The following CFAP46 variants were observed in gnomAD, a reference collection of about 807,000 sequenced individuals.
The protein encoded by CFAP46 is cilia and flagella associated protein 46.
CFAP46 carries 245 observed loss-of-function variants against 325.7 expected under a neutral mutation model. The observed-to-expected ratio is 0.75, with a 90% CI of 0.68 to 0.84. The LOEUF is 0.84. Ranked by LOEUF, CFAP46 falls within the 40% of genes least tolerant of loss-of-function variation. The pLI is 0.00. For missense variants in CFAP46, 3,346 were observed against 3,543.0 expected (o/e 0.94, Z 1.41); for synonymous variants, 1,523 against 1,495.9 (o/e 1.02, Z -0.42).
intron 20 of CFAP46, 139 bp from the exon 21 acceptor site, chr10:132,909,383 G>A (rs1849506968): frequency 9.2e-6 from 6 of 651,232 alleles, no homozygotes; most frequent in Non-Finnish European, 1.4e-5. Flanking sequence ...ACCTTAGGCT[G>A]TTTTTGTAAC....
At chr10:132,936,763 G>A (rs1194255268) in intron 7 of CFAP46, among the ~76,000 whole-genome samples, 198 bp downstream of exon 7, 1 of 152,076 alleles carries the variant, frequency 6.6e-6, no homozygotes, top group Non-Finnish European at 1.5e-5. Flanking sequence ...TGGGAGGGAG[G>A]CAGGGCCAGG....
intron 50 of CFAP46, among the ~76,000 whole-genome samples, chr10:132,824,476 G>GC (rs1564768000): frequency 1.6e-5 from 2 of 122,112 alleles, no homozygotes; most frequent in African/African-American, 3.2e-5. Context: ...TGTGCTGTGT[G>GC]TGCTGTGTGC....
intron 8 of CFAP46, among the ~76,000 whole-genome samples, chr10:132,934,352 C>G (rs2135712928): frequency 1.3e-5 from 2 of 149,836 alleles, no homozygotes; most frequent in South Asian, 4.3e-4. Flanking sequence ...AGGATACCAG[C>G]CCAGGACTTA....
At chr10:132,879,058 T>C (rs1848999468) in intron 29 of CFAP46, among the ~76,000 whole-genome samples, 1 of 152,122 alleles carries the variant, frequency 6.6e-6, no homozygotes, top group Non-Finnish European at 1.5e-5. Context: ...GCTGCCTTGG[T>C]GTGGCGAGCC....
intron 27 of CFAP46, among the ~76,000 whole-genome samples, chr10:132,882,531 G>A (rs913559946): frequency 4.6e-5 from 7 of 151,908 alleles, no homozygotes; most frequent in South Asian, 2.1e-4. Context: ...AAAAGCAAGC[G>A]TTTGGTTTTG....
chr10:132,831,077 G>C (rs1848139158), intron 50 of CFAP46, among the ~76,000 whole-genome samples: 1 of 152,084 alleles, frequency 6.6e-6, no homozygotes, highest in African/African-American at 2.4e-5. Context: ...CCAAGTGTCT[G>C]GGTTTTTCCA....
Position 132,838,736 on chromosome 10 carries a change from G to C in CFAP46, c.6439-1822C>G, listed in dbSNP as rs1275022314. The stretch of plus-strand genomic sequence containing the variant: ...CCCCAGCGAAGGATTTCTACCGGGC[G>C]CAGAGTCAGGTGCAGACTTGCTGTG... On this transcript the variant is annotated intron_variant, in intron 44 of 57. Coordinates refer to ENST00000368586, the MANE Select transcript of CFAP46 (RefSeq NM_001200049.3). Among the ~76,000 whole-genome samples the C allele has an allele frequency of 2.0e-5, 3 of 152,388 alleles. No individual in the cohort carries two copies. In the South Asian group the frequency reaches 6.2e-4, roughly 32 times the overall value.
At chr10:132,867,179 C>T (rs1848826603) in intron 34 of CFAP46, among the ~76,000 whole-genome samples, 196 bp downstream of exon 34, 1 of 148,742 alleles carries the variant, frequency 6.7e-6, no homozygotes, top group Admixed American at 6.7e-5. Context: ...CACACTGACA[C>T]ACACACAGGC....
intron 45 of CFAP46, 124 bp downstream of exon 45, chr10:132,836,693 G>GT (rs1848254337): frequency 1.2e-6 from 1 of 817,004 alleles, no homozygotes. Context: ...CTGTCCGGGC[G>GT]TTTCCCGAGT....
rs184587003 is a variant in CFAP46, at chr10:132,918,409, C to T, written c.1970G>A (p.Gly657Glu). The change falls in exon 16 of 58, where the codon GGG becomes GAG. Residue 657 changes from glycine to glutamate, a missense_variant. Gly to Glu is a moderately conservative substitution (Grantham distance 98). Transcript: ENST00000368586. ...PDLLRKFAEVGFIHAEATVHL... is the reference protein window; with the variant it reads ...PDLLRKFAEVEFIHAEATVHL... ...ATGACGCACCTCAGCATGGATGAAC[C>T]CCACCTCCGCGAACTTCCGCAGCAG... is the stretch of plus-strand genomic sequence containing the variant. 2 of 1,548,864 alleles carry T rather than the reference C, an allele frequency of 1.3e-6. No homozygotes were observed. Among genetic ancestry groups the T allele is most frequent in the Admixed American group, 3.9e-5 (2 of 50,900 alleles).
At chr10:132,882,599 G>T (rs73393245) in intron 27 of CFAP46, among the ~76,000 whole-genome samples, 1 of 151,898 alleles carries the variant, frequency 6.6e-6, no homozygotes, top group Admixed American at 6.6e-5. Flanking sequence ...CAGGTCTAGC[G>T]GGTGGGGGGT....
rs776822673 is a variant in CFAP46 at position 132,919,324 on chromosome 10, G to A, written c.1849C>T (p.Leu617=). Residue 617 remains leucine, a synonymous_variant, in exon 15 of 58, where the codon CTG becomes TTG. Coordinates refer to ENST00000368586, the MANE Select transcript of CFAP46 (RefSeq NM_001200049.3). The surrounding 1 kb of genome is among the most constrained non-coding windows in gnomAD (Gnocchi z 9.7). ...GAGGGCGGGTACGAACCTCGCCGCA[G>A]CCTCAACTTCTTCACCTTGACGTTG... ...YDNVKVKKLR[L]RRGKKKRGRD... The A allele has an allele frequency of 1.3e-6, 2 of 1,549,890 alleles. No individual in the cohort carries two copies. Among genetic ancestry groups the A allele is most frequent in the Admixed American group, 2.0e-5 (1 of 50,980 alleles).
At chr10:132,921,750 G>A (rs1266688958) in intron 13 of CFAP46, among the ~76,000 whole-genome samples, 1 of 152,180 alleles carries the variant, frequency 6.6e-6, no homozygotes, top group Admixed American at 6.5e-5. Context: ...AGGATGCGGG[G>A]AGGAGATGGC....
chr10:132,927,093 G>A (rs1303886763), intron 9 of CFAP46, among the ~76,000 whole-genome samples: 2 of 152,226 alleles, frequency 1.3e-5, no homozygotes, highest in African/African-American at 4.8e-5. Flanking sequence ...GATGTTCCCA[G>A]GCCTCGGTGG....
At chr10:132,928,043 G>A (rs1055964964) in intron 9 of CFAP46, among the ~76,000 whole-genome samples, 1 of 152,234 alleles carries the variant, frequency 6.6e-6, no homozygotes, top group African/African-American at 2.4e-5. Flanking sequence ...CTGTGCAGGG[G>A]CCACGGGCGG....
rs1848069515 is a variant in CFAP46 at position 132,827,063 on chromosome 10, T to C, written c.7117+6295A>G. 6.6e-6 allele frequency among the ~76,000 whole-genome samples: 1 copy of C among 152,132 alleles called. No individual in the cohort carries two copies. The highest frequency in any genetic ancestry group is 1.5e-5 in the Non-Finnish European group (1 of 68,034). Reference sequence around the variant, plus strand: ...TTCCGACACCTCCATGAGCCTCGTGTCTGTGCCAACCGACTCCAGCTCCGG... The same window carrying C: ...TTCCGACACCTCCATGAGCCTCGTGCCTGTGCCAACCGACTCCAGCTCCGG... On this transcript the variant is annotated intron_variant, in intron 50 of 57. Transcript: ENST00000368586. This position sits in a 1 kb window ranked among gnomAD's most constrained non-coding sequence, Gnocchi z 5.7.
chr10:132,880,873 G>A lies in CFAP46; in HGVS notation c.3787C>T (p.Pro1263Ser), dbSNP rs1716473330. 2.6e-6 allele frequency: 4 copies of A among 1,548,416 alleles called. No homozygotes were observed. The highest frequency in any genetic ancestry group is 2.6e-6 in the Non-Finnish European group (3 of 1,146,910). Reference protein sequence around the residue: ...KPPGDVPEPQPTPDGEYVAVE... With the variant: ...KPPGDVPEPQSTPDGEYVAVE... Reference sequence around the variant, plus strand: ...GGCGTGGGCTCACCATCCGGCGTGGGCTGTGGCTCAGGGACATCGCCGGGC... The same window carrying A: ...GGCGTGGGCTCACCATCCGGCGTGGACTGTGGCTCAGGGACATCGCCGGGC... The change falls in exon 28 of 58, where the codon CCC becomes TCC. Residue 1263 changes from proline to serine, a missense_variant. Physicochemically the swap from Pro to Ser is moderately conservative, Grantham distance 74. Transcript: ENST00000368586.
In CFAP46 at chr10:132,884,640, C is replaced by T. The variant is rs145776344; in HGVS notation, c.3627+463G>A. ...CCCACCCCAAGGGGAACGTCCATCT[C>T]GCCTTCCTGGGGGTGGGGAAGAGAC... On this transcript the variant is annotated intron_variant, in intron 27 of 57. Coordinates refer to ENST00000368586, the MANE Select transcript of CFAP46 (RefSeq NM_001200049.3). This position sits in a 1 kb window ranked among gnomAD's most constrained non-coding sequence, Gnocchi z 5.4. Among the ~76,000 whole-genome samples the T allele has an allele frequency of 3.9e-5, 6 of 152,172 alleles. No individual in the cohort carries two copies. The highest frequency in any genetic ancestry group is 7.4e-5 in the Non-Finnish European group (5 of 68,014).
At position 132,908,391 on chromosome 10, in the gene CFAP46, C is replaced by T. The variant is rs564497831; in HGVS notation, c.2924+77G>A. 6.7e-5 allele frequency: 101 copies of T among 1,509,164 alleles called. No homozygotes were observed. The African/African-American group carries it at 1.3e-3, about 19-fold the overall frequency. 93.5% of individuals were successfully genotyped at this position (1,509,164 alleles called of 1,614,324 possible). A position where few individuals can be genotyped will look rare whatever the true frequency, so the allele number is the denominator to read the frequency against. On this transcript the variant is annotated intron_variant, in intron 22 of 57. Transcript: ENST00000368586. ...AACTGGTGGGGCGCTCACCTGCTCC[C>T]TGATCTGTGATTGAGGCCCAGGCCT... is the stretch of plus-strand genomic sequence containing the variant.
Sources: gnomAD v4.1 joint callset for allele counts (sites outside exome capture counted in the v4.1 genomes callset) on GRCh38, gnomAD v4.1.1 for gene constraint, Gnocchi (gnomAD v3.1) non-coding constraint, MANE v1.5 for transcripts, NCBI Gene and HGNC (gene_info 2026-07-23, HGNC 2026-07-21) for gene names.